JARID2: variants seen among roughly 807,000 people sequenced by gnomAD.
The protein encoded by JARID2 is jumonji and AT-rich interaction domain containing 2, also known as protein Jumonji.
In JARID2, 21 loss-of-function variants were observed where a neutral mutation model predicts 125.6. That is an observed-to-expected ratio of 0.17 (90% CI 0.12 to 0.24). The LOEUF is 0.24. Among genes scored for constraint, JARID2 ranks in the 10% least tolerant of loss-of-function variants. JARID2 has a pLI of 1.00. For synonymous variants in JARID2, 736 were observed against 661.6 expected (o/e 1.11, Z -1.73); for missense variants, 1,303 against 1,639.6 (o/e 0.79, Z 3.55).
intron 11 of JARID2, 103 bp downstream of exon 11, chr6:15,507,519 A>T: frequency 1.1e-6 from 1 of 917,106 alleles, no homozygotes; most frequent in Non-Finnish European, 1.7e-6. Flanking sequence ...CCGGGGAGGG[A>T]TGGCGTCTTC....
intron 2 of JARID2, 88 bp downstream of exon 2, chr6:15,374,340 G>T: frequency 7.1e-7 from 1 of 1,413,436 alleles, no homozygotes. Context: ...CTGGCAGCTT[G>T]TGCTTCCTGG....
chr6:15,513,956 G>A (rs2127767833), intron 16 of JARID2, among the ~76,000 whole-genome samples: 1 of 152,330 alleles, frequency 6.6e-6, no homozygotes, highest in Non-Finnish European at 1.5e-5. Context: ...TGTTCCTCCT[G>A]TCCCATCTGG....
intron 3 of JARID2, among the ~76,000 whole-genome samples, chr6:15,436,501 C>A (rs1767209774): frequency 6.6e-6 from 1 of 152,120 alleles, no homozygotes; most frequent in Non-Finnish European, 1.5e-5. Context: ...TTCATAGGCC[C>A]AGGATGGGGG....
chr6:15,479,821 C>T (rs948145144), intron 5 of JARID2, among the ~76,000 whole-genome samples: 1 of 152,178 alleles, frequency 6.6e-6, no homozygotes, highest in Non-Finnish European at 1.5e-5. Flanking sequence ...TAGTTTTACA[C>T]GTGGATGGTG....
chr6:15,419,941 C>T (rs1766409705), intron 3 of JARID2, among the ~76,000 whole-genome samples: 1 of 152,154 alleles, frequency 6.6e-6, no homozygotes, highest in African/African-American at 2.4e-5. Context: ...CAAATATTTT[C>T]GTGTGCATTC....
chr6:15,359,518 G>C (rs186314072), intron 1 of JARID2, among the ~76,000 whole-genome samples: 1 of 152,210 alleles, frequency 6.6e-6, no homozygotes, highest in East Asian at 1.9e-4. Flanking sequence ...CTACCCGCGT[G>C]GGCAGGCCCT....
At chr6:15,248,440 A>AGCGGGG (rs1237390270) in intron 1 of JARID2, 1 of 8,540 alleles carries the variant, frequency 1.2e-4, no homozygotes, top group African/African-American at 4.7e-4. Flanking sequence ...AGGGGGTGGG[A>AGCGGGG]GCGGGGGCGG....
chr6:15,252,340 A>G (rs1759489137), intron 1 of JARID2, among the ~76,000 whole-genome samples: 1 of 152,218 alleles, frequency 6.6e-6, no homozygotes, highest in Admixed American at 6.5e-5. Flanking sequence ...GTTATCTAAC[A>G]AACTTGTTCC....
intron 2 of JARID2, among the ~76,000 whole-genome samples, chr6:15,397,677 A>G (rs1351900084): frequency 1.3e-5 from 2 of 152,338 alleles, no homozygotes; most frequent in East Asian, 3.9e-4. Flanking sequence ...TTGAGATTCC[A>G]GTGGTAACAT....
chr6:15,511,853 G>C (rs937285031), intron 13 of JARID2, among the ~76,000 whole-genome samples: 1 of 152,168 alleles, frequency 6.6e-6, no homozygotes, highest in Non-Finnish European at 1.5e-5. Flanking sequence ...GATGGACGGG[G>C]GACTCCTTTG....
chr6:15,302,418 A>G (rs528768237), intron 1 of JARID2, among the ~76,000 whole-genome samples: 40 of 126,180 alleles, frequency 3.2e-4, no homozygotes, highest in East Asian at 2.2e-3. Flanking sequence ...CTGTCTTGGG[A>G]AAAAAAAAAG....
chr6:15,422,612 C>A (rs963503154), intron 3 of JARID2, among the ~76,000 whole-genome samples: 2 of 152,166 alleles, frequency 1.3e-5, no homozygotes, highest in Non-Finnish European at 2.9e-5. Context: ...ATTTAACTCA[C>A]AATTTCTCAC....
At chr6:15,336,182 T>C (rs1762873269) in intron 1 of JARID2, among the ~76,000 whole-genome samples, 1 of 152,190 alleles carries the variant, frequency 6.6e-6, no homozygotes, top group African/African-American at 2.4e-5. Flanking sequence ...CGGTGAGTGC[T>C]GTGGAGATCA....
intron 1 of JARID2, among the ~76,000 whole-genome samples, chr6:15,254,761 C>T (rs540979621): frequency 4.5e-4 from 69 of 152,118 alleles, no homozygotes; most frequent in Non-Finnish European, 8.7e-4. Context: ...GCCACAGGGC[C>T]GGGCGCGGTG....
intron 9 of JARID2, among the ~76,000 whole-genome samples, chr6:15,506,636 G>T (rs1258757636): frequency 6.6e-6 from 1 of 152,202 alleles, no homozygotes. Flanking sequence ...ACCGCTGCTT[G>T]CCTGTAGTCA....
chr6:15,419,095 G>A (rs1766369469), intron 3 of JARID2, among the ~76,000 whole-genome samples: 1 of 151,784 alleles, frequency 6.6e-6, no homozygotes, highest in East Asian at 1.9e-4. Context: ...AAATAAATTA[G>A]TAGTATAATT....
intron 1 of JARID2, among the ~76,000 whole-genome samples, chr6:15,271,000 C>T (rs1323397270): frequency 6.6e-6 from 1 of 151,996 alleles, no homozygotes; most frequent in Non-Finnish European, 1.5e-5. Flanking sequence ...CCACACTTTG[C>T]TTTCCCACAG....
At chr6:15,280,405 G>A (rs1358649055) in intron 1 of JARID2, among the ~76,000 whole-genome samples, 2 of 151,908 alleles carry the variant, frequency 1.3e-5, no homozygotes, top group African/African-American at 4.8e-5. Context: ...ATTTTCTTCC[G>A]TGTTCCTTCC....
intron 1 of JARID2, among the ~76,000 whole-genome samples, chr6:15,344,609 T>A (rs1581436609): frequency 6.6e-6 from 1 of 152,148 alleles, no homozygotes; most frequent in East Asian, 1.9e-4. Flanking sequence ...CCTCAGTCTC[T>A]GATTGTAGAA....
Sources: allele counts gnomAD v4.1 joint callset (sites outside exome capture counted in the v4.1 genomes callset), GRCh38; gene constraint gnomAD v4.1.1; transcripts MANE v1.5; gene names NCBI Gene and HGNC (gene_info 2026-07-23, HGNC 2026-07-21).